HHLA1: variants seen among roughly 807,000 people sequenced by gnomAD.
HHLA1 encodes the protein HHLA1 neighbor of OC90.
In HHLA1, 72 loss-of-function variants were observed where a neutral mutation model predicts 69.9. The ratio of observed to expected loss-of-function variants is 1.03; its 90% CI spans 0.85 to 1.25. The LOEUF is 1.25. HHLA1 is among the 50% of genes most tolerant of loss of function. HHLA1 has a pLI of 0.00. For synonymous variants in HHLA1, 252 were observed against 233.2 expected, an observed-to-expected ratio of 1.08 and a Z score of -0.73; for missense variants, 685 against 642.2, an observed-to-expected ratio of 1.07 and a Z score of -0.72.
chr8:132,077,069 G>A (rs932701216), intron 12 of HHLA1, among the ~76,000 whole-genome samples: 2 of 152,060 alleles, frequency 1.3e-5, no homozygotes, highest in Non-Finnish European at 2.9e-5. Flanking sequence ...GGCCTCTGGC[G>A]AAACCAGCAA....
chr8:132,065,185 G>A (rs1176778579), intron 16 of HHLA1, among the ~76,000 whole-genome samples: 1 of 152,212 alleles, frequency 6.6e-6, no homozygotes, highest in Non-Finnish European at 1.5e-5. Context: ...ACCAGGACAA[G>A]GAGAGAGGTA....
chr8:132,108,705 CCTT>C (rs1372072797), intron 1 of HHLA1, among the ~76,000 whole-genome samples: 1 of 151,966 alleles, frequency 6.6e-6, no homozygotes, highest in East Asian at 1.9e-4. Context: ...CAGGAAGAAG[CCTT>C]CTTGGAGCTT....
intron 3 of HHLA1, 45 bp downstream of exon 3, chr8:132,104,063 G>T (rs2436098): frequency 0.21 from 292,636 of 1,380,368 alleles, 33,836 homozygotes; most frequent in Middle Eastern, 0.3. Context: ...CAAGGAATTT[G>T]CCCAAGAACA....
Position 132,098,839 on chromosome 8 carries a change from GA to G in HHLA1, c.280+42del, listed in dbSNP as rs150211468. 2.9e-3 allele frequency: 3,725 copies of G among 1,287,912 alleles called. 112 individuals are homozygous for G. The East Asian group carries it at 0.069, about 24-fold the overall frequency. 79.8% of individuals were successfully genotyped at this position (1,287,912 alleles called of 1,614,324 possible). A position where few individuals can be genotyped will look rare whatever the true frequency, so the allele number is the denominator to read the frequency against. On this transcript the variant is annotated intron_variant, in intron 5 of 16. Transcript: ENST00000414222. ...AGGTTCAGAAAAGACACTGGTACAAGAAAAAAAAATGGACCTGGATTGTGCT... is the reference window on the plus strand; with the variant it reads ...AGGTTCAGAAAAGACACTGGTACAAGAAAAAAAATGGACCTGGATTGTGCT...
chr8:132,110,621 C>T (rs1361784048), intron 1 of HHLA1, among the ~76,000 whole-genome samples: 2 of 152,128 alleles, frequency 1.3e-5, no homozygotes, highest in Non-Finnish European at 2.9e-5. Context: ...ACATAAGGCC[C>T]AAGGGAATGC....
chr8:132,071,442 G>A lies in HHLA1; in HGVS notation c.1367C>T (p.Thr456Ile), dbSNP rs1221845021. ...KVGAMAAAPL[T>I]LAIQRLNPCL... ...TGGGTTGAGCCTCTGAATAGCCAGG[G>A]TGAGAGGAGCAGCTGCCATAGCTCC... Residue 456 changes from threonine (T) to isoleucine (I), a missense_variant, in exon 15 of 17, where the codon ACC becomes ATC. Physicochemically the swap from Thr to Ile is moderately conservative, Grantham distance 89 (BLOSUM62 -1). Coordinates refer to ENST00000414222, the MANE Select transcript of HHLA1 (RefSeq NM_001145095.3). 6.4e-7 allele frequency: 1 copy of A among 1,551,544 alleles called. No individual in the cohort carries two copies. Among genetic ancestry groups the A allele is most frequent in the East Asian group, 2.4e-5 (1 of 40,936 alleles).
At chr8:132,087,450 C>T (rs1823881566) in intron 10 of HHLA1, among the ~76,000 whole-genome samples, 1 of 152,092 alleles carries the variant, frequency 6.6e-6, no homozygotes, top group South Asian at 2.1e-4. Flanking sequence ...TGCTTATTGC[C>T]ATGTGTTGGG....
At chr8:132,069,684 C>T (rs774634073) in intron 15 of HHLA1, 2 of 152,024 alleles carry the variant, frequency 1.3e-5, no homozygotes, top group South Asian at 2.1e-4. Flanking sequence ...TGCCTGGTTA[C>T]GTGACTTGGT....
At chr8:132,110,005 G>T (rs1229867436) in intron 1 of HHLA1, among the ~76,000 whole-genome samples, 3 of 152,140 alleles carry the variant, frequency 2.0e-5, no homozygotes, top group African/African-American at 7.2e-5. Context: ...CGGGAGTGTG[G>T]ACGGTGAAGG....
chr8:132,077,917 G>C lies in HHLA1; in HGVS notation c.980C>G (p.Ala327Gly). ...QWLTADRQTW[A>G]SISSVPWAQT... ...AGCCCAGGGCACGGACGATATGGAA[G>C]CCCACGTCTGTCTGTCAGCTGTCAA... The change falls in exon 12 of 17, where the codon GCT (alanine) becomes GGT (glycine). Residue 327 changes from alanine to glycine, a missense_variant. Ala to Gly is a moderately conservative substitution (Grantham distance 60, BLOSUM62 0). Coordinates refer to ENST00000414222, the MANE Select transcript of HHLA1 (RefSeq NM_001145095.3). 6.4e-7 allele frequency: 1 copy of C among 1,551,576 alleles called. No individual in the cohort carries two copies. Among genetic ancestry groups the C allele is most frequent in the Non-Finnish European group, 8.7e-7 (1 of 1,146,924 alleles).
In HHLA1 at chr8:132,089,570, C is replaced by T. The variant is rs993649662; in HGVS notation, c.478G>A (p.Gly160Ser). The T allele has an allele frequency of 1.3e-6, 2 of 1,521,520 alleles. No homozygotes were observed. The highest frequency in any genetic ancestry group is 1.4e-5 in the African/African-American group (1 of 72,408). The allele number at this position is 1,521,520 out of a possible 1,614,324, so 94.3% of individuals were successfully genotyped here. A position where few individuals can be genotyped will look rare whatever the true frequency, so the allele number is the denominator to read the frequency against. ...TCTGTGAGGTAGCTGGTAGAATTGC[C>T]GATGATATCTACCAGTAGAGCTGTA... ...DFTALLVDII[G>S]NSTSYLTEIF... Residue 160 changes from glycine (G) to serine (S), a missense_variant, in exon 8 of 17, where the codon GGC (glycine) becomes AGC (serine). Gly to Ser is a moderately conservative substitution (Grantham distance 56). Transcript: ENST00000414222.
chr8:132,077,783 G>C lies in HHLA1; in HGVS notation c.1114C>G (p.Pro372Ala). The change falls in exon 12 of 17, where the codon CCT (proline) becomes GCT (alanine). Residue 372 changes from proline to alanine, a missense_variant. By Grantham distance (27) the Pro-to-Ala change is conservative. Coordinates refer to ENST00000414222, the MANE Select transcript of HHLA1 (RefSeq NM_001145095.3). ...GGTGTGGCCATTATCTCAGCAGCAG[G>C]CGCCAAAAGGCTTGTAGTGTTCATG... ...EAMNTTSLLA[P>A]AAEIMATPGS... 1 of 1,551,672 alleles carries C rather than the reference G, an allele frequency of 6.4e-7. No homozygotes were observed. The highest frequency in any genetic ancestry group is 2.4e-5 in the East Asian group (1 of 40,906).
chr8:132,084,370 G>A (rs1398098065), intron 10 of HHLA1, among the ~76,000 whole-genome samples: 1 of 152,124 alleles, frequency 6.6e-6, no homozygotes, highest in Non-Finnish European at 1.5e-5. Flanking sequence ...CTTGGGGTTG[G>A]TACTGAGGGG....
chr8:132,101,134 TTTA>T, intron 3 of HHLA1: 1 of 1,519,738 alleles, frequency 6.6e-7, no homozygotes, highest in Non-Finnish European at 8.8e-7. Flanking sequence ...GGTGCTGTAT[TTTA>T]CATTTTCATT....
At chr8:132,108,371 G>A (rs1824240370) in intron 1 of HHLA1, among the ~76,000 whole-genome samples, 1 of 152,150 alleles carries the variant, frequency 6.6e-6, no homozygotes, top group South Asian at 2.1e-4. Flanking sequence ...CCAATAGTAA[G>A]CAAGACAGAT....
intron 5 of HHLA1, among the ~76,000 whole-genome samples, chr8:132,098,421 C>T (rs1478326678): frequency 1.3e-5 from 2 of 152,100 alleles, no homozygotes; most frequent in African/African-American, 2.4e-5. Flanking sequence ...AAACCTTCTA[C>T]GTCATTTTGA....
intron 7 of HHLA1, among the ~76,000 whole-genome samples, chr8:132,094,685 G>T (rs1340568759): frequency 2.6e-5 from 4 of 152,110 alleles, no homozygotes; most frequent in African/African-American, 9.6e-5. Context: ...CCTGCTTCAT[G>T]GTTCCCATGG....
rs1040925022 is a variant in HHLA1 at position 132,062,888 on chromosome 8, G to A, written c.*1107C>T. ...ATATCCTGCCTGATGAGTGTCTCTT[G>A]TACCTGGGGCTTCGTGCCATGACAG... On this transcript the variant is annotated 3_prime_UTR_variant, in exon 17 of 17. Transcript: ENST00000414222. 4 of 152,206 alleles carry A rather than the reference G, an allele frequency of 2.6e-5. No homozygotes were observed. Among genetic ancestry groups the A allele is most frequent in the African/African-American group, 9.7e-5 (4 of 41,426 alleles). 9.4% of individuals were successfully genotyped at this position (152,206 alleles called of 1,614,324 possible). A position where few individuals can be genotyped will look rare whatever the true frequency, so the allele number is the denominator to read the frequency against.
At chr8:132,099,984 C>G in intron 4 of HHLA1, 91 bp downstream of exon 4, 1 of 913,160 alleles carries the variant, frequency 1.1e-6, no homozygotes, top group Non-Finnish European at 1.8e-6. Flanking sequence ...ATGACGTTCT[C>G]GCCACTGTGG....
Sources: allele counts gnomAD v4.1 joint callset (sites outside exome capture counted in the v4.1 genomes callset), GRCh38; gene constraint gnomAD v4.1.1; transcripts MANE v1.5; gene names NCBI Gene and HGNC (gene_info 2026-07-23, HGNC 2026-07-21).